SNTG1: variants seen among roughly 807,000 people sequenced by gnomAD.
SNTG1 encodes syntrophin gamma 1, also known as gamma-1-syntrophin.
Under a neutral mutation model 74.7 loss-of-function variants are expected in SNTG1, and 39 were observed. The ratio of observed to expected loss-of-function variants is 0.52; its 90% CI spans 0.40 to 0.68. The LOEUF (loss-of-function observed/expected upper bound fraction) is 0.68, where lower values mean the gene tolerates loss of function less well. Among genes scored for constraint, SNTG1 ranks in the 30% least tolerant of loss-of-function variants. The probability of loss-of-function intolerance (pLI) is 0.00; values close to 1 mark genes in which losing one functional copy is unlikely to be tolerated. For missense variants in SNTG1, 685 were observed against 609.5 expected (o/e 1.12, Z -1.30); for synonymous variants, 254 against 217.1 (o/e 1.17, Z -1.49).
intron 2 of SNTG1, among the ~76,000 whole-genome samples, chr8:50,233,414 A>G (rs2085733045): frequency 1.3e-5 from 2 of 151,762 alleles, no homozygotes; most frequent in African/African-American, 4.8e-5. Context: ...AAAAATAAAG[A>G]AAACTTCAAA....
At chr8:50,048,611 A>G (rs1297675015) in intron 1 of SNTG1, among the ~76,000 whole-genome samples, 5 of 152,202 alleles carry the variant, frequency 3.3e-5, no homozygotes, top group Admixed American at 3.3e-4. Context: ...AATGAACAAA[A>G]CAAATATTAA....
intron 2 of SNTG1, among the ~76,000 whole-genome samples, chr8:50,350,666 G>C (rs1312110911): frequency 6.6e-6 from 1 of 152,080 alleles, no homozygotes; most frequent in African/African-American, 2.4e-5. Context: ...GTCTAGCTCA[G>C]GGTTTGTGAA....
chr8:49,955,743 C>T (rs935148497), intron 1 of SNTG1, among the ~76,000 whole-genome samples: 6 of 152,176 alleles, frequency 3.9e-5, no homozygotes, highest in African/African-American at 7.2e-5. Context: ...GAGATGCTGC[C>T]AAACCACTGT....
intron 1 of SNTG1, among the ~76,000 whole-genome samples, chr8:50,003,345 A>C (rs527871919): frequency 2.8e-4 from 43 of 152,312 alleles, no homozygotes; most frequent in African/African-American, 1.0e-3. Flanking sequence ...TTAAAATAAA[A>C]ATGAAATTTG....
chr8:50,571,780 A>G (rs544042698), intron 12 of SNTG1, among the ~76,000 whole-genome samples: 1 of 152,208 alleles, frequency 6.6e-6, no homozygotes, highest in Non-Finnish European at 1.5e-5. Context: ...CCTACCAGGC[A>G]TAGGAGTAAA....
intron 2 of SNTG1, among the ~76,000 whole-genome samples, chr8:50,284,204 A>G (rs578073306): frequency 9.2e-5 from 14 of 152,248 alleles, no homozygotes; most frequent in African/African-American, 2.9e-4. Context: ...ATGAATAGAT[A>G]AACATATTCT....
At chr8:50,162,088 A>G (rs2082435387) in intron 1 of SNTG1, among the ~76,000 whole-genome samples, 2 of 152,172 alleles carry the variant, frequency 1.3e-5, no homozygotes, top group South Asian at 4.1e-4. Context: ...GCGTCAGGGA[A>G]GGTGGAGAGC....
chr8:50,517,739 G>A (rs760443670), intron 9 of SNTG1, among the ~76,000 whole-genome samples: 1 of 151,770 alleles, frequency 6.6e-6, no homozygotes, highest in South Asian at 2.1e-4. Context: ...AAGGATCAAT[G>A]CAACAAGAAG....
chr8:50,709,357 C>A (rs548794627), intron 17 of SNTG1, among the ~76,000 whole-genome samples: 3 of 151,322 alleles, frequency 2.0e-5, no homozygotes, highest in African/African-American at 7.3e-5. Context: ...TTCTGCAATA[C>A]AAAAAGAAAG....
intron 15 of SNTG1, among the ~76,000 whole-genome samples, chr8:50,694,850 C>T (rs1484178042): frequency 6.6e-6 from 1 of 150,630 alleles, no homozygotes; most frequent in Non-Finnish European, 1.5e-5. Context: ...TTTTATAAAA[C>T]ACAAAGCATT....
intron 18 of SNTG1, among the ~76,000 whole-genome samples, chr8:50,766,291 G>A (rs1378998550): frequency 6.6e-6 from 1 of 151,954 alleles, no homozygotes; most frequent in Non-Finnish European, 1.5e-5. Context: ...AAGCTAATAG[G>A]TAACTGTGAG....
chr8:50,257,207 G>A (rs530223814), intron 2 of SNTG1, among the ~76,000 whole-genome samples: 2 of 152,142 alleles, frequency 1.3e-5, no homozygotes, highest in East Asian at 1.9e-4. Flanking sequence ...ACATACACTC[G>A]TTAAGAAAAG....
intron 2 of SNTG1, among the ~76,000 whole-genome samples, chr8:50,316,364 G>A (rs1274457683): frequency 6.6e-6 from 1 of 152,102 alleles, no homozygotes; most frequent in African/African-American, 2.4e-5. Context: ...ATTCATTTTG[G>A]ATGTTTTGAT....
At chr8:50,137,084 C>T (rs2081498390) in intron 1 of SNTG1, among the ~76,000 whole-genome samples, 1 of 152,088 alleles carries the variant, frequency 6.6e-6, no homozygotes, top group Admixed American at 6.6e-5. Context: ...TCATTTTCAG[C>T]AGAGTAGTTG....
chr8:50,284,510 G>C lies in SNTG1; in HGVS notation c.-27-109702G>C, dbSNP rs541154012. On this transcript the variant is annotated intron_variant, in intron 2 of 18. Transcript: ENST00000642720. ...CAGATGGGTCCTTTAACATCCACCTGTCAATGTGTGCTTTGGTTTTGCTGT... is the reference window on the plus strand; with the variant it reads ...CAGATGGGTCCTTTAACATCCACCTCTCAATGTGTGCTTTGGTTTTGCTGT... 3.1e-3 allele frequency among the ~76,000 whole-genome samples: 467 copies of C among 152,172 alleles called. 1 individual carries two copies. The highest frequency in any genetic ancestry group is 4.2e-3 in the Non-Finnish European group (288 of 68,014).
At chr8:50,337,907 C>A (rs1010800158) in intron 2 of SNTG1, among the ~76,000 whole-genome samples, 2 of 152,096 alleles carry the variant, frequency 1.3e-5, no homozygotes, top group Admixed American at 6.5e-5. Context: ...GAGGCCAAGG[C>A]GGGCGGATCA....
At chr8:49,919,732 T>G (rs189084241) in intron 1 of SNTG1, among the ~76,000 whole-genome samples, 15 of 152,130 alleles carry the variant, frequency 9.9e-5, no homozygotes, top group Admixed American at 2.6e-4. Flanking sequence ...AGAACAGTTA[T>G]TTTTTCTATA....
intron 11 of SNTG1, among the ~76,000 whole-genome samples, chr8:50,539,026 A>T (rs2094327414): frequency 6.6e-6 from 1 of 152,106 alleles, no homozygotes; most frequent in African/African-American, 2.4e-5. Flanking sequence ...TCCTTTTAAA[A>T]ATAACTTCTT....
At chr8:50,321,224 G>A (rs1371449370) in intron 2 of SNTG1, among the ~76,000 whole-genome samples, 1 of 151,984 alleles carries the variant, frequency 6.6e-6, no homozygotes, top group Admixed American at 6.5e-5. Flanking sequence ...CCAATGTTGG[G>A]TGCATATATA....
Sources: allele counts gnomAD v4.1 joint callset (sites outside exome capture counted in the v4.1 genomes callset), GRCh38; gene constraint gnomAD v4.1.1; transcripts MANE v1.5; gene names NCBI Gene and HGNC (gene_info 2026-07-23, HGNC 2026-07-21).